Variants in DOCK4 observed in about 807,000 individuals in gnomAD.
The protein encoded by DOCK4 is dedicator of cytokinesis protein 4.
Under a neutral mutation model 268.1 loss-of-function variants are expected in DOCK4, and 97 were observed. The ratio of observed to expected loss-of-function variants is 0.36; its 90% CI spans 0.31 to 0.43. The LOEUF is 0.43. Ranked by LOEUF, DOCK4 falls within the 20% of genes least tolerant of loss-of-function variation. The pLI, the probability that DOCK4 is intolerant of heterozygous loss-of-function variation, is 1.00. For synonymous variants in DOCK4, 954 were observed against 887.2 expected (o/e 1.08, Z -1.34); for missense variants, 2,145 against 2,455.7 (o/e 0.87, Z 2.67).
chr7:111,872,434 C>G (rs1436048149), intron 18 of DOCK4, 33 bp downstream of exon 18: 1 of 1,543,640 alleles, frequency 6.5e-7, no homozygotes, highest in Non-Finnish European at 8.8e-7. Flanking sequence ...CTATGAATCT[C>G]TGCAAGGAAA....
chr7:111,947,183 T>C (rs1406626940), intron 8 of DOCK4, among the ~76,000 whole-genome samples: 3 of 152,182 alleles, frequency 2.0e-5, no homozygotes, highest in African/African-American at 7.2e-5. Context: ...AGGAAGCCTC[T>C]ATGTTATCAC....
At chr7:112,134,652 C>A (rs1437582769) in intron 1 of DOCK4, among the ~76,000 whole-genome samples, 5 of 152,164 alleles carry the variant, frequency 3.3e-5, no homozygotes, top group Admixed American at 3.3e-4. Flanking sequence ...GAAGGCAGAG[C>A]TTGCAGTGAG....
At chr7:111,753,847 C>G (rs1796851172) in intron 42 of DOCK4, among the ~76,000 whole-genome samples, 1 of 152,144 alleles carries the variant, frequency 6.6e-6, no homozygotes, top group Admixed American at 6.5e-5. Context: ...AACAAAACAG[C>G]TGAATTTGAT....
At chr7:112,130,621 C>T (rs1287225065) in intron 1 of DOCK4, among the ~76,000 whole-genome samples, 4 of 152,144 alleles carry the variant, frequency 2.6e-5, no homozygotes, top group African/African-American at 9.7e-5. Flanking sequence ...ATAAAGGAAT[C>T]TCAAGAGCAG....
At position 111,977,165 on chromosome 7, in the gene DOCK4, G is replaced by A. The variant is rs1407537722; in HGVS notation, c.668C>T (p.Ser223Leu). 7 of 1,613,010 alleles carry A rather than the reference G, an allele frequency of 4.3e-6. No homozygotes were observed. The highest frequency in any genetic ancestry group is 5.9e-6 in the Non-Finnish European group (7 of 1,179,628). ...NLGEELEVIF[S>L]LFDSKENRPI... ...CCGGTTCTCTTTACTGTCAAAGAGT[G>A]AGAAGATGACCTCCAGCTCCTCTCC... Residue 223 changes from serine (S) to leucine (L), a missense_variant, in exon 8 of 53, where the codon TCA becomes TTA. By Grantham distance (145) the Ser-to-Leu change is moderately radical. Around this residue, in one of 2 missense-constraint regions of DOCK4, gnomAD observed 1,598 missense variants for 1,986.7 expected, o/e 0.80. Coordinates refer to ENST00000428084, the MANE Select transcript of DOCK4 (RefSeq NM_001363540.2).
At chr7:111,920,227 G>A (rs1190142782) in intron 12 of DOCK4, among the ~76,000 whole-genome samples, 2 of 152,116 alleles carry the variant, frequency 1.3e-5, no homozygotes, top group Non-Finnish European at 1.5e-5. Context: ...CTATTGTATA[G>A]CATAGTGAGG....
At chr7:111,732,193 G>A in intron 52 of DOCK4, 33 bp downstream of exon 52, 1 of 1,609,578 alleles carries the variant, frequency 6.2e-7, no homozygotes, top group South Asian at 1.1e-5. Context: ...AACTGGGCCA[G>A]TCTCTAGCCT....
At chr7:111,995,183 A>C (rs368920759) in intron 4 of DOCK4, among the ~76,000 whole-genome samples, 108 of 151,822 alleles carry the variant, frequency 7.1e-4, no homozygotes, top group Admixed American at 3.0e-3. Context: ...AGGTGCCTGC[A>C]ACCACGCCCG....
At chr7:111,789,040 T>G (rs1308845551) in intron 31 of DOCK4, 4 of 419,668 alleles carry the variant, frequency 9.5e-6, no homozygotes, top group Non-Finnish European at 1.7e-5. Flanking sequence ...TTTGAATTCT[T>G]TTTTAGGAGC....
chr7:111,765,134 A>T lies in DOCK4; in HGVS notation c.4004T>A (p.Phe1335Tyr), dbSNP rs1235396068. The change falls in exon 39 of 53, where the codon TTT becomes TAT. Residue 1335 changes from phenylalanine (F) to tyrosine (Y), a missense_variant. Physicochemically the swap from Phe to Tyr is conservative, Grantham distance 22. Transcript: ENST00000428084. ...FFRVGFYGKK[F>Y]PFFLRNKEFV... ...ATTACTTACTCTTAAGAAAAATGGA[A>T]ATTTTTTTCCATAAAATCCAACTCT... 6.5e-7 allele frequency: 1 copy of T among 1,527,630 alleles called. No individual in the cohort carries two copies. Among genetic ancestry groups the T allele is most frequent in the Admixed American group, 2.3e-5 (1 of 44,352 alleles). The allele number at this position is 1,527,630 out of a possible 1,614,324, so 94.6% of individuals were successfully genotyped here.
At chr7:111,858,563 C>T (rs1291239691) in intron 23 of DOCK4, among the ~76,000 whole-genome samples, 1 of 152,150 alleles carries the variant, frequency 6.6e-6, no homozygotes, top group Admixed American at 6.5e-5. Context: ...TGATGGTCTT[C>T]GAGCTAGGAC....
intron 1 of DOCK4, among the ~76,000 whole-genome samples, chr7:112,121,311 C>T (rs1027893649): frequency 1.3e-5 from 2 of 152,150 alleles, no homozygotes; most frequent in African/African-American, 2.4e-5. Flanking sequence ...AGTCTTCTTC[C>T]TTCTAGGGAG....
intron 1 of DOCK4, among the ~76,000 whole-genome samples, chr7:112,104,825 T>A (rs1315035244): frequency 1.3e-5 from 2 of 151,992 alleles, no homozygotes; most frequent in Non-Finnish European, 2.9e-5. Flanking sequence ...CTCTGGAGAA[T>A]AAAAAATAGG....
intron 11 of DOCK4, among the ~76,000 whole-genome samples, chr7:111,939,088 C>G (rs1475785588): frequency 1.3e-5 from 2 of 152,050 alleles, no homozygotes; most frequent in African/African-American, 4.8e-5. Flanking sequence ...CATGGATCCC[C>G]CAGTGACTGC....
intron 1 of DOCK4, among the ~76,000 whole-genome samples, chr7:112,086,981 C>G (rs1809150191): frequency 6.6e-6 from 1 of 152,068 alleles, no homozygotes. Flanking sequence ...AATAACCTTG[C>G]ATGCTGAACC....
At chr7:111,793,242 A>G (rs2133818373) in intron 30 of DOCK4, among the ~76,000 whole-genome samples, 1 of 152,346 alleles carries the variant, frequency 6.6e-6, no homozygotes, top group Non-Finnish European at 1.5e-5. Context: ...CCATGTTGCA[A>G]TGCTGCATAT....
At chr7:112,194,859 A>G (rs1354555677) in intron 1 of DOCK4, among the ~76,000 whole-genome samples, 4 of 152,242 alleles carry the variant, frequency 2.6e-5, no homozygotes, top group Admixed American at 2.6e-4. Flanking sequence ...TAGTGTATAC[A>G]TGATATTGCC....
At chr7:112,093,854 A>T (rs550104754) in intron 1 of DOCK4, among the ~76,000 whole-genome samples, 1 of 150,962 alleles carries the variant, frequency 6.6e-6, no homozygotes, top group African/African-American at 2.4e-5. Context: ...CTTATAAAAA[A>T]TTAATGGCTC....
chr7:111,928,434 T>A (rs1228737351), intron 12 of DOCK4, among the ~76,000 whole-genome samples: 2 of 152,162 alleles, frequency 1.3e-5, no homozygotes, highest in South Asian at 2.1e-4. Flanking sequence ...TTATTTTTTT[T>A]AAATACTGCA....
Sources: allele counts gnomAD v4.1 joint callset (sites outside exome capture counted in the v4.1 genomes callset), GRCh38; gene constraint gnomAD v4.1.1; regional missense constraint gnomAD v4.1.1; transcripts MANE v1.5; gene names NCBI Gene and HGNC (gene_info 2026-07-23, HGNC 2026-07-21).